STXBP4: variants seen among roughly 807,000 people sequenced by gnomAD.
STXBP4 encodes the protein syntaxin binding protein 4.
In STXBP4, 55 loss-of-function variants were observed where a neutral mutation model predicts 76.1. The observed-to-expected ratio is 0.72, with a 90% CI of 0.58 to 0.91. The LOEUF (loss-of-function observed/expected upper bound fraction) is 0.91, where lower values mean the gene tolerates loss of function less well. STXBP4 is among the 40% of genes least tolerant of loss of function. The pLI is 0.00. For synonymous variants in STXBP4, 201 were observed against 220.2 expected (o/e 0.91, Z 0.77); for missense variants, 618 against 636.9 (o/e 0.97, Z 0.32).
intron 12 of STXBP4, among the ~76,000 whole-genome samples, chr17:55,059,785 C>T (rs779344636): frequency 6.6e-6 from 1 of 151,994 alleles, no homozygotes; most frequent in African/African-American, 2.4e-5. Context: ...AGCTCTTGTC[C>T]AGAAAATAGG....
chr17:55,012,231 A>G (rs941824559), intron 8 of STXBP4, among the ~76,000 whole-genome samples: 3 of 151,934 alleles, frequency 2.0e-5, no homozygotes, highest in African/African-American at 7.3e-5. Context: ...AGGCAAAAGT[A>G]TTTTTCCTTC....
At chr17:55,190,167 C>A in the STXBP4 span, among the ~76,000 whole-genome samples, 1 of 152,128 alleles carries the variant, frequency 6.6e-6, no homozygotes, top group Non-Finnish European at 1.5e-5. Context: ...CACTTTAATT[C>A]TACAAATACT....
At chr17:55,117,262 G>A (rs1453173086) in intron 16 of STXBP4, among the ~76,000 whole-genome samples, 5 of 151,768 alleles carry the variant, frequency 3.3e-5, no homozygotes, top group Non-Finnish European at 5.9e-5. Flanking sequence ...GGGTATTGAA[G>A]CTATGGAAAG....
intron 12 of STXBP4, among the ~76,000 whole-genome samples, chr17:55,056,600 A>T (rs1246326422): frequency 6.6e-6 from 1 of 152,188 alleles, no homozygotes; most frequent in African/African-American, 2.4e-5. Flanking sequence ...TTGTCAGCTC[A>T]GTATTATTAG....
intron 16 of STXBP4, among the ~76,000 whole-genome samples, chr17:55,093,191 G>A (rs1243792844): frequency 6.6e-6 from 1 of 151,904 alleles, no homozygotes; most frequent in African/African-American, 2.4e-5. Flanking sequence ...GATGGGTTTT[G>A]CCACATTGGC....
At chr17:55,127,952 C>G (rs1436072838) in intron 16 of STXBP4, among the ~76,000 whole-genome samples, 2 of 141,364 alleles carry the variant, frequency 1.4e-5, no homozygotes, top group African/African-American at 4.9e-5. Flanking sequence ...CAGCAATGAT[C>G]TTGACTTCAT....
chr17:55,123,281 G>A (rs1390627463), intron 16 of STXBP4, among the ~76,000 whole-genome samples: 2 of 152,154 alleles, frequency 1.3e-5, no homozygotes, highest in African/African-American at 4.8e-5. Flanking sequence ...AAGGGAAGAG[G>A]TAGCAGAATT....
Position 55,169,910 on chromosome 17 carries a change from G to A in STXBP4, c.*9999G>A, listed in dbSNP as rs2080397064. The A allele has an allele frequency of 6.6e-6, 1 of 152,176 alleles. No homozygotes were observed. Among genetic ancestry groups the A allele is most frequent in the Admixed American group, 6.5e-5 (1 of 15,284 alleles). 9.4% of individuals were successfully genotyped at this position (152,176 alleles called of 1,614,324 possible). A position where few individuals can be genotyped will look rare whatever the true frequency, so the allele number is the denominator to read the frequency against. ...CTGTGGACAATGCAAACTCCCTCAT[G>A]TACCTTGCTCCTTGCCAATTTCAAA... On this transcript the variant is annotated 3_prime_UTR_variant, in exon 18 of 18. Transcript: ENST00000376352.
At chr17:55,045,317 A>C (rs566106114) in intron 11 of STXBP4, among the ~76,000 whole-genome samples, 4 of 152,220 alleles carry the variant, frequency 2.6e-5, no homozygotes, top group African/African-American at 9.6e-5. Context: ...AGTTTTAAAA[A>C]TACATTGACA....
At chr17:55,056,477 T>G in intron 12 of STXBP4, among the ~76,000 whole-genome samples, 1 of 152,184 alleles carries the variant, frequency 6.6e-6, no homozygotes, top group East Asian at 1.9e-4. Flanking sequence ...CCAAAAATCT[T>G]TTTCTTTTAA....
rs2080390125 is a variant in STXBP4, at chr17:55,168,591, C to A, written c.*8680C>A. 6.6e-6 allele frequency: 1 copy of A among 152,058 alleles called. No individual in the cohort carries two copies. Among genetic ancestry groups the A allele is most frequent in the South Asian group, 2.1e-4 (1 of 4,822 alleles). 9.4% of individuals were successfully genotyped at this position (152,058 alleles called of 1,614,324 possible). ...ACGCCTTTAAGTAAATACAAGAGAA[C>A]TGTTTCAGCATAGATTTTTAAAAAT... On this transcript the variant is annotated 3_prime_UTR_variant, in exon 18 of 18. Transcript: ENST00000376352.
intron 1 of STXBP4, among the ~76,000 whole-genome samples, chr17:54,979,544 A>C (rs2077519772): frequency 6.6e-6 from 1 of 152,296 alleles, no homozygotes; most frequent in South Asian, 2.1e-4. Context: ...CAATATACGC[A>C]TAAGCCCTCA....
At chr17:55,031,631 A>G (rs1459183990) in intron 9 of STXBP4, among the ~76,000 whole-genome samples, 1 of 152,138 alleles carries the variant, frequency 6.6e-6, no homozygotes, top group African/African-American at 2.4e-5. Flanking sequence ...CTAATATAAT[A>G]TAGTAAATAT....
At chr17:55,046,456 C>G (rs972853175) in intron 11 of STXBP4, among the ~76,000 whole-genome samples, 1 of 151,782 alleles carries the variant, frequency 6.6e-6, no homozygotes, top group Non-Finnish European at 1.5e-5. Context: ...TTAAATTACT[C>G]TTAGTATTTC....
At chr17:55,025,587 C>G (rs147632868) in intron 8 of STXBP4, among the ~76,000 whole-genome samples, 1 of 152,082 alleles carries the variant, frequency 6.6e-6, no homozygotes, top group South Asian at 2.1e-4. Flanking sequence ...AAACCTAACA[C>G]CCTTGCATGA....
At chr17:55,206,142 A>G in the STXBP4 span, among the ~76,000 whole-genome samples, 1 of 152,278 alleles carries the variant, frequency 6.6e-6, no homozygotes, top group Admixed American at 6.5e-5. Context: ...GAATTATTCC[A>G]TATACATTAT....
chr17:55,183,231 C>G, the STXBP4 span, among the ~76,000 whole-genome samples: 4 of 152,112 alleles, frequency 2.6e-5, no homozygotes, highest in Admixed American at 2.0e-4. Context: ...ATGTTGTAAT[C>G]TCTCAATCAA....
intron 8 of STXBP4, among the ~76,000 whole-genome samples, chr17:55,015,710 C>T (rs1413452416): frequency 1.4e-5 from 2 of 147,322 alleles, no homozygotes; most frequent in Non-Finnish European, 3.0e-5. Flanking sequence ...TCCTTTTGTA[C>T]CGTTTGGGTT....
intron 13 of STXBP4, among the ~76,000 whole-genome samples, chr17:55,073,585 A>G (rs565140830): frequency 6.6e-6 from 1 of 152,288 alleles, no homozygotes; most frequent in African/African-American, 2.4e-5. Context: ...ATGATTTTCC[A>G]GTTTCAATAG....
Sources: gnomAD v4.1 joint callset for allele counts (sites outside exome capture counted in the v4.1 genomes callset) on GRCh38, gnomAD v4.1.1 for gene constraint, MANE v1.5 for transcripts, NCBI Gene and HGNC (gene_info 2026-07-23, HGNC 2026-07-21) for gene names.